The following EIF2S3 variants were observed in gnomAD, a reference collection of about 807,000 sequenced individuals.
EIF2S3 encodes eukaryotic translation initiation factor 2 subunit 3.
A neutral mutation model predicts 31.7 loss-of-function variants in EIF2S3; 2 were observed. The observed-to-expected ratio is 0.06, with a 90% CI of 0.03 to 0.20. The LOEUF is 0.20. EIF2S3 is among the 10% of genes least tolerant of loss of function. EIF2S3 has a pLI of 1.00. For missense variants in EIF2S3, 96 were observed against 359.3 expected (o/e 0.27, Z 5.92); for synonymous variants, 120 against 126.7 (o/e 0.95, Z 0.36).
chrX:24,069,686 C>CTTTTTTTTTTTTT (rs754589833), intron 9 of EIF2S3, among the ~76,000 whole-genome samples: 7 of 60,980 alleles, frequency 1.1e-4, no homozygotes, highest in Admixed American at 2.6e-4. Flanking sequence ...TTTTTAATTT[C>CTTTTTTTTTTTTT]TTTTTTTTTT....
intron 5 of EIF2S3, among the ~76,000 whole-genome samples, chrX:24,062,180 A>G (rs746335430): frequency 9.0e-6 from 1 of 110,649 alleles, no homozygotes; most frequent in East Asian, 2.8e-4. Flanking sequence ...CACATTGACA[A>G]TTTTCTACAA....
At chrX:24,059,157 A>C (rs1930452865) in intron 4 of EIF2S3, among the ~76,000 whole-genome samples, 1 of 112,451 alleles carries the variant, frequency 8.9e-6, no homozygotes, top group Non-Finnish European at 1.9e-5. Context: ...TCAGCTTTGC[A>C]AGCCATAGAG....
At chrX:24,076,602 C>T in intron 11 of EIF2S3, 120 bp from the exon 12 acceptor site, 1 of 633,960 alleles carries the variant, frequency 1.6e-6, no homozygotes, top group South Asian at 2.6e-5. Context: ...TATGGAGGAG[C>T]AGGCTTTGGG....
rs748928414 is a variant in EIF2S3 at position 24,064,224 on chromosome X, A to G, written c.661A>G (p.Ile221Val). The G allele has an allele frequency of 5.9e-6, 7 of 1,190,315 alleles. No homozygotes were observed. In the African/African-American group the frequency reaches 7.1e-5, roughly 12 times the overall value. The change falls in exon 7 of 12, where the codon ATT becomes GTT. Residue 221 changes from isoleucine (I) to valine (V), a missense_variant. Transcript: ENST00000253039. ...AGGTACAGTAGCAGAGGGAGCTCCC[A>G]TTATTCCAATTTCAGCTCAGCTGAA... ...VQGTVAEGAP[I>V]IPISAQLKYN...
intron 10 of EIF2S3, among the ~76,000 whole-genome samples, chrX:24,071,980 A>G (rs1930678124): frequency 9.4e-6 from 1 of 106,563 alleles, no homozygotes; most frequent in African/African-American, 3.4e-5. Context: ...GGTTCAAGCA[A>G]TTCTCTTGCC....
chrX:24,065,434 A>G, intron 7 of EIF2S3, among the ~76,000 whole-genome samples: 1 of 111,095 alleles, frequency 9.0e-6, no homozygotes, highest in East Asian at 2.8e-4. Flanking sequence ...CATCCTGGGC[A>G]TTAAGGGAAG....
chrX:24,065,410 T>C (rs1569279145), intron 7 of EIF2S3, among the ~76,000 whole-genome samples: 4 of 111,279 alleles, frequency 3.6e-5, no homozygotes, highest in African/African-American at 1.3e-4. Flanking sequence ...TGCTTGAGGC[T>C]AGGAGTTCAG....
intron 9 of EIF2S3, among the ~76,000 whole-genome samples, chrX:24,068,979 A>G (rs1930620015): frequency 8.9e-6 from 1 of 112,172 alleles, no homozygotes; most frequent in South Asian, 3.6e-4. Context: ...CCTTTAGATT[A>G]AAGAAGAAAA....
chrX:24,058,367 A>G (rs768481620), intron 4 of EIF2S3, among the ~76,000 whole-genome samples: 1 of 111,332 alleles, frequency 9.0e-6, no homozygotes, highest in Admixed American at 9.7e-5. Context: ...TTTTTAAATT[A>G]ATGCAAAAAA....
At chrX:24,057,196 A>G (rs1307791603) in intron 2 of EIF2S3, among the ~76,000 whole-genome samples, 3 of 111,622 alleles carry the variant, frequency 2.7e-5, no homozygotes, top group Non-Finnish European at 5.7e-5. Flanking sequence ...ACGCCCAGCT[A>G]ATTTTTGTAT....
At chrX:24,073,463 C>T (rs1930702555) in intron 11 of EIF2S3, 200 bp downstream of exon 11, 7 of 391,558 alleles carry the variant, frequency 1.8e-5, no homozygotes, top group African/African-American at 5.1e-5. Context: ...GAGGCCTAGG[C>T]GGGTGGATCA....
intron 8 of EIF2S3, 33 bp downstream of exon 8, chrX:24,066,125 T>G (rs745425698): frequency 1.4e-5 from 9 of 663,903 alleles, no homozygotes; most frequent in South Asian, 5.0e-5. Context: ...TGATTTTGGG[T>G]TTTTTTTTTT....
At chrX:24,061,171 C>A (rs757296174) in intron 5 of EIF2S3, among the ~76,000 whole-genome samples, 1 of 105,622 alleles carries the variant, frequency 9.5e-6, no homozygotes, top group South Asian at 4.3e-4. Context: ...GCACGAGAAT[C>A]GCTTGAACCC....
rs1373567071 is a variant in EIF2S3, at chrX:24,078,335, TTA to T, written c.*1552_*1553del. On this transcript the variant is annotated 3_prime_UTR_variant, in exon 12 of 12. Transcript: ENST00000253039. ...GCCACTCTGCCCGGCTTATTTTTCTTTATGTTTTTGCTTCGTAAGAGGTTCTG... is the reference window on the plus strand; with the variant it reads ...GCCACTCTGCCCGGCTTATTTTTCTTTGTTTTTGCTTCGTAAGAGGTTCTG... Among the ~76,000 whole-genome samples, 1 of 111,206 alleles carries T rather than the reference TTA, an allele frequency of 9.0e-6. No individual in the cohort carries two copies. Among genetic ancestry groups the T allele is most frequent in the Non-Finnish European group, 1.9e-5 (1 of 53,062 alleles).
At chrX:24,062,995 G>A (rs1930515749) in intron 6 of EIF2S3, among the ~76,000 whole-genome samples, 1 of 112,099 alleles carries the variant, frequency 8.9e-6, no homozygotes, top group Non-Finnish European at 1.9e-5. Context: ...TGTAATCCCA[G>A]CACTTTGGGA....
chrX:24,075,163 C>T (rs1930735547), intron 11 of EIF2S3, among the ~76,000 whole-genome samples: 1 of 110,879 alleles, frequency 9.0e-6, no homozygotes, highest in Non-Finnish European at 1.9e-5. Context: ...CCACGCCTGA[C>T]CTCTTTCTTC....
intron 7 of EIF2S3, 100 bp downstream of exon 7, chrX:24,064,435 T>C (rs933512187): frequency 4.0e-6 from 4 of 995,556 alleles, no homozygotes; most frequent in South Asian, 3.0e-5. Context: ...TCTGCAGAGG[T>C]GATAATTCAT....
In EIF2S3 at chrX:24,076,657, G is replaced by C; in HGVS notation, c.1356-65G>C. Reference sequence around the variant, plus strand: ...GATAAGCAGGTAAAATTTATCACAAGATTGTGTGGTAATGAGAGTGAAGTG... The same window carrying C: ...GATAAGCAGGTAAAATTTATCACAACATTGTGTGGTAATGAGAGTGAAGTG... On this transcript the variant is annotated intron_variant, in intron 11 of 11. Coordinates refer to ENST00000253039, the MANE Select transcript of EIF2S3 (RefSeq NM_001415.4). 3 of 1,072,515 alleles carry C rather than the reference G, an allele frequency of 2.8e-6. No individual in the cohort carries two copies. The South Asian group carries it at 6.1e-5, about 22-fold the overall frequency. 88.4% of individuals were successfully genotyped at this position (1,072,515 alleles called of 1,213,427 possible). A position where few individuals can be genotyped will look rare whatever the true frequency, so the allele number is the denominator to read the frequency against.
At chrX:24,064,170 A>G in intron 6 of EIF2S3, 31 bp from the exon 7 acceptor site, 1 of 1,101,388 alleles carries the variant, frequency 9.1e-7, no homozygotes, top group South Asian at 2.5e-5. Flanking sequence ...AAAACTGTAT[A>G]ATTTTGATCT....
Sources: gnomAD v4.1 joint callset for allele counts (sites outside exome capture counted in the v4.1 genomes callset) on GRCh38, gnomAD v4.1.1 for gene constraint, MANE v1.5 for transcripts, NCBI Gene and HGNC (gene_info 2026-07-23, HGNC 2026-07-21) for gene names.